The following CAMK2B variants were observed in gnomAD, a reference collection of about 807,000 sequenced individuals.
The protein encoded by CAMK2B is calcium/calmodulin-dependent protein kinase type II subunit beta.
CAMK2B carries 27 observed loss-of-function variants against 93.7 expected under a neutral mutation model. The observed-to-expected ratio is 0.29, with a 90% confidence interval of 0.21 to 0.40. CAMK2B has a LOEUF of 0.40. Among genes scored for constraint, CAMK2B ranks in the 10% least tolerant of loss-of-function variants. The probability of loss-of-function intolerance (pLI) is 1.00; values close to 1 mark genes in which losing one functional copy is unlikely to be tolerated. For synonymous variants in CAMK2B, 374 were observed against 358.8 expected (o/e 1.04, Z -0.48); for missense variants, 568 against 895.8 (o/e 0.63, Z 4.67).
rs185328103 is a variant in CAMK2B at position 44,304,023 on chromosome 7, G to T, written c.66-19798C>A. On this transcript the variant is annotated intron_variant, in intron 1 of 23. Coordinates refer to ENST00000395749, the MANE Select transcript of CAMK2B (RefSeq NM_001220.5). Reference sequence around the variant, plus strand: ...CGACATCGTAAGTCATTAGGGAATTGCAAATAAGACAAAAAAGAGCTATCA... The same window carrying T: ...CGACATCGTAAGTCATTAGGGAATTTCAAATAAGACAAAAAAGAGCTATCA... 4.2e-4 allele frequency among the ~76,000 whole-genome samples: 64 copies of T among 152,266 alleles called. No homozygotes were observed. In the East Asian group the frequency reaches 9.8e-3, roughly 23 times the overall value.
chr7:44,241,990 G>T (rs908537012), intron 10 of CAMK2B, among the ~76,000 whole-genome samples: 1 of 152,188 alleles, frequency 6.6e-6, no homozygotes, highest in Non-Finnish European at 1.5e-5. Flanking sequence ...AGACAGGACT[G>T]CAGTTGGGAG....
At chr7:44,261,879 C>T (rs2129035862) in intron 3 of CAMK2B, among the ~76,000 whole-genome samples, 1 of 152,302 alleles carries the variant, frequency 6.6e-6, no homozygotes, top group Middle Eastern at 3.4e-3. Context: ...GTGAAGAGTC[C>T]AGTCTGGATG....
chr7:44,260,768 T>G (rs964478691), intron 3 of CAMK2B, among the ~76,000 whole-genome samples: 80 of 152,138 alleles, frequency 5.3e-4, no homozygotes, highest in African/African-American at 1.8e-3. Flanking sequence ...CCTGGGGTTT[T>G]TTCAAGCCCA....
At chr7:44,232,175 G>A (rs1002967365) in intron 16 of CAMK2B, among the ~76,000 whole-genome samples, 2 of 131,554 alleles carry the variant, frequency 1.5e-5, no homozygotes, top group Non-Finnish European at 3.2e-5. Context: ...TGGCCAGAAG[G>A]AAGTGGGGGG....
chr7:44,228,542 G>A (rs2096543383), intron 19 of CAMK2B, among the ~76,000 whole-genome samples: 1 of 152,104 alleles, frequency 6.6e-6, no homozygotes. Context: ...AGGGGCCTGG[G>A]GCTGGACAGC....
intron 1 of CAMK2B, 99 bp from the exon 2 acceptor site, chr7:44,284,324 A>G: frequency 1.1e-6 from 1 of 872,780 alleles, no homozygotes; most frequent in Non-Finnish European, 1.8e-6. Flanking sequence ...CCCATTAAGC[A>G]TTCAGCCACC....
chr7:44,272,987 A>G (rs1372036078), intron 2 of CAMK2B, among the ~76,000 whole-genome samples: 1 of 152,232 alleles, frequency 6.6e-6, no homozygotes, highest in Non-Finnish European at 1.5e-5. Flanking sequence ...AGCCAACAAC[A>G]TTACGTGCTA....
At chr7:44,246,555 G>A (rs1448242849) in intron 6 of CAMK2B, among the ~76,000 whole-genome samples, 1 of 152,058 alleles carries the variant, frequency 6.6e-6, no homozygotes, top group Non-Finnish European at 1.5e-5. Context: ...GCATACTCAT[G>A]CATGCACAGT....
intron 13 of CAMK2B, among the ~76,000 whole-genome samples, chr7:44,238,411 A>G (rs964071534): frequency 1.3e-5 from 2 of 152,164 alleles, no homozygotes; most frequent in South Asian, 2.1e-4. Flanking sequence ...CCTCCCCAGA[A>G]GCCACTAGCC....
chr7:44,257,654 G>A (rs928588450), intron 4 of CAMK2B, among the ~76,000 whole-genome samples: 4 of 152,256 alleles, frequency 2.6e-5, no homozygotes, highest in Non-Finnish European at 5.9e-5. Context: ...GCCAGGCAGT[G>A]GCAACTGTGT....
chr7:44,304,184 G>C (rs886831263), intron 1 of CAMK2B, among the ~76,000 whole-genome samples: 1 of 152,172 alleles, frequency 6.6e-6, no homozygotes, highest in Admixed American at 6.5e-5. Flanking sequence ...AGAGAGTATG[G>C]TAGTTTCTTG....
At position 44,220,220 on chromosome 7, in the gene CAMK2B, C is replaced by A. The variant is rs757820225; in HGVS notation, c.1843G>T (p.Ala615Ser). 1.5e-5 allele frequency: 25 copies of A among 1,613,224 alleles called. No homozygotes were observed. The highest frequency in any genetic ancestry group is 1.9e-5 in the Non-Finnish European group (23 of 1,180,030). Residue 615 changes from alanine (A) to serine (S), a missense_variant, in exon 23 of 24, where the codon GCC (alanine) becomes TCC (serine). This residue lies in a region of CAMK2B where 116 missense variants were observed against 188.0 expected (regional missense o/e 0.62). Coordinates refer to ENST00000395749, the MANE Select transcript of CAMK2B (RefSeq NM_001220.5). Reference sequence around the variant, plus strand: ...GTGAGCCGGATGTAAGCGATGCAGGCGGCATCCTCTCCAATGACGTGCACG... The same window carrying A: ...GTGAGCCGGATGTAAGCGATGCAGGAGGCATCCTCTCCAATGACGTGCACG... ...PHVHVIGEDA[A>S]CIAYIRLTQY...
intron 5 of CAMK2B, among the ~76,000 whole-genome samples, chr7:44,254,023 T>C (rs548808245): frequency 5.3e-4 from 81 of 151,674 alleles, no homozygotes; most frequent in Admixed American, 4.9e-3. Flanking sequence ...ACGAGAGACA[T>C]CCTTGTCAGG....
rs762069046 is a variant in CAMK2B at position 44,230,967 on chromosome 7, C to T, written c.1225+39G>A. On this transcript the variant is annotated intron_variant, in intron 17 of 23. Coordinates refer to ENST00000395749, the MANE Select transcript of CAMK2B (RefSeq NM_001220.5). ...CACCTCAAAGAGCAACCCAGCAATGCCAAGGCCGCTGGGGGGGCAAGGACT... is the reference window on the plus strand; with the variant it reads ...CACCTCAAAGAGCAACCCAGCAATGTCAAGGCCGCTGGGGGGGCAAGGACT... 10 of 1,543,402 alleles carry T rather than the reference C, an allele frequency of 6.5e-6. No homozygotes were observed. In the African/African-American group the frequency reaches 1.4e-4, roughly 21 times the overall value.
Position 44,242,239 on chromosome 7 carries a change from G to A in CAMK2B, c.798C>T (p.Ala266=). The A allele has an allele frequency of 6.2e-7, 1 of 1,614,010 alleles. No individual in the cohort carries two copies. Among genetic ancestry groups the A allele is most frequent in the Non-Finnish European group, 8.5e-7 (1 of 1,179,884 alleles). Residue 266 remains alanine (A), a synonymous_variant, in exon 10 of 24, where the codon GCC becomes GCT. Transcript: ENST00000395749. ...TCACGCAGACCCACGGGTGCTTCAG[G>A]GCCTCATGGGCTGTGATGCGCTTGG... ...NPAKRITAHE[A]LKHPWVCQRS...
At chr7:44,302,752 T>C (rs1230527505) in intron 1 of CAMK2B, among the ~76,000 whole-genome samples, 1 of 152,152 alleles carries the variant, frequency 6.6e-6, no homozygotes, top group Non-Finnish European at 1.5e-5. Flanking sequence ...ACAGTGGAGC[T>C]TCCTAAATTT....
chr7:44,258,797 TG>T, intron 4 of CAMK2B, 74 bp downstream of exon 4: 2 of 1,346,336 alleles, frequency 1.5e-6, no homozygotes, highest in Non-Finnish European at 2.1e-6. Flanking sequence ...TCCCTGGGGC[TG>T]GGGAGGCTGC....
intron 1 of CAMK2B, among the ~76,000 whole-genome samples, chr7:44,316,541 A>G (rs1399830592): frequency 6.6e-6 from 1 of 152,160 alleles, no homozygotes; most frequent in East Asian, 1.9e-4. Flanking sequence ...AATGAATTGG[A>G]AAGAATTTCC....
At chr7:44,281,994 G>A (rs955489679) in intron 2 of CAMK2B, among the ~76,000 whole-genome samples, 2 of 152,202 alleles carry the variant, frequency 1.3e-5, no homozygotes, top group African/African-American at 2.4e-5. Context: ...CCTAACTGCC[G>A]GAGGGCCAGA....
Sources: allele counts gnomAD v4.1 joint callset (sites outside exome capture counted in the v4.1 genomes callset), GRCh38; gene constraint gnomAD v4.1.1; regional missense constraint gnomAD v4.1.1; transcripts MANE v1.5; gene names NCBI Gene and HGNC (gene_info 2026-07-23, HGNC 2026-07-21).